The following NAP1L4 variants were observed in gnomAD, a reference collection of about 807,000 sequenced individuals.
The protein encoded by NAP1L4 is nucleosome assembly protein 1 like 4.
NAP1L4 carries 15 observed loss-of-function variants against 58.2 expected under a neutral mutation model. The observed-to-expected ratio is 0.26, with a 90% CI of 0.17 to 0.40. The LOEUF (loss-of-function observed/expected upper bound fraction) is 0.40. Ranked by LOEUF, NAP1L4 falls within the 10% of genes least tolerant of loss-of-function variation. NAP1L4 has a pLI of 1.00. For synonymous variants in NAP1L4, 171 were observed against 155.6 expected (o/e 1.10, Z -0.74); for missense variants, 384 against 451.1 (o/e 0.85, Z 1.35).
At chr11:2,962,122 G>GCTTCCC (rs1285218759) in intron 8 of NAP1L4, among the ~76,000 whole-genome samples, 1 of 152,148 alleles carries the variant, frequency 6.6e-6, no homozygotes, top group African/African-American at 2.4e-5. Context: ...CGACCTTTGG[G>GCTTCCC]CCTTCTAAAG....
At chr11:2,958,216 TC>T (rs770828151) in intron 10 of NAP1L4, 182 bp downstream of exon 10, 4 of 710,442 alleles carry the variant, frequency 5.6e-6, no homozygotes, top group Non-Finnish European at 1.0e-5. Context: ...CCTAGCTACC[TC>T]TGCCCCCCGC....
At chr11:2,947,688 T>C (rs534861767) in intron 15 of NAP1L4, among the ~76,000 whole-genome samples, 3 of 151,698 alleles carry the variant, frequency 2.0e-5, no homozygotes, top group South Asian at 4.2e-4. Context: ...ATTTTAATGA[T>C]GGTTGAGTCA....
At chr11:2,965,892 C>T (rs539643206) in intron 7 of NAP1L4, among the ~76,000 whole-genome samples, 3 of 152,316 alleles carry the variant, frequency 2.0e-5, no homozygotes, top group East Asian at 3.9e-4. Flanking sequence ...CTTGCGGGCA[C>T]CATGGAAGAG....
At chr11:2,981,163 A>G (rs981731935) in intron 1 of NAP1L4, among the ~76,000 whole-genome samples, 2 of 151,772 alleles carry the variant, frequency 1.3e-5, no homozygotes, top group Non-Finnish European at 2.9e-5. Flanking sequence ...GCTCGAGCAC[A>G]GGAGGCAGAG....
intron 8 of NAP1L4, among the ~76,000 whole-genome samples, chr11:2,960,318 T>C (rs1386616376): frequency 2.0e-5 from 3 of 152,100 alleles, no homozygotes; most frequent in East Asian, 1.9e-4. Context: ...CCCACCCTGC[T>C]GGGGGAAGCC....
chr11:2,954,828 T>G lies in NAP1L4; in HGVS notation c.916-182A>C, dbSNP rs937756048. 15 of 722,242 alleles carry G rather than the reference T, an allele frequency of 2.1e-5. No individual in the cohort carries two copies. The highest frequency in any genetic ancestry group is 3.2e-5 in the Non-Finnish European group (14 of 438,792). 44.7% of individuals were successfully genotyped at this position (722,242 alleles called of 1,614,324 possible). On this transcript the variant is annotated intron_variant, in intron 11 of 15. Coordinates refer to ENST00000380542, the MANE Select transcript of NAP1L4 (RefSeq NM_005969.4). This position sits in a 1 kb window ranked among gnomAD's most constrained non-coding sequence, Gnocchi z 4.8. ...CCCTTTAAAACAACTTTAAGTAGCT[T>G]TAAAGAGCTACTGAAGCAAAATGGC...
chr11:2,969,962 G>A (rs758863638), intron 6 of NAP1L4, 28 bp from the exon 7 acceptor site: 53 of 1,594,092 alleles, frequency 3.3e-5, no homozygotes, highest in Non-Finnish European at 1.7e-6. Context: ...CATAGGTAAC[G>A]AAAATAAAAG....
At chr11:2,986,171 C>T (rs967010474) in intron 1 of NAP1L4, among the ~76,000 whole-genome samples, 1 of 151,926 alleles carries the variant, frequency 6.6e-6, no homozygotes, top group Non-Finnish European at 1.5e-5. Flanking sequence ...GTCGGGAGTT[C>T]GAGGTCAGCC....
At chr11:2,958,847 C>A (rs1846701006) in intron 9 of NAP1L4, 1 of 339,574 alleles carries the variant, frequency 2.9e-6, no homozygotes, top group Admixed American at 4.6e-5. Context: ...CCCGTCAAGT[C>A]TGCATGATGC....
intron 10 of NAP1L4, 27 bp downstream of exon 10, chr11:2,958,372 A>G (rs1846674699): frequency 6.2e-7 from 1 of 1,611,866 alleles, no homozygotes; most frequent in Middle Eastern, 1.7e-4. Flanking sequence ...TAAGAACATA[A>G]TGAATATTAA....
At position 2,958,455 on chromosome 11, in the gene NAP1L4, G is replaced by A. The variant is rs776265065; in HGVS notation, c.836C>T (p.Thr279Ile). 2 of 1,614,070 alleles carry A rather than the reference G, an allele frequency of 1.2e-6. No homozygotes were observed. Among genetic ancestry groups the A allele is most frequent in the Non-Finnish European group, 1.7e-6 (2 of 1,180,020 alleles). ...CTCATTGGGTACTTGTTTCGTAATT[G>A]TTCTAACAGTGCCTCGACCCTTATG... ...QKHKGRGTVR[T>I]ITKQVPNESF... Residue 279 changes from threonine (T) to isoleucine (I), a missense_variant, in exon 10 of 16, where the codon ACA becomes ATA. Around this residue, in one of 3 missense-constraint regions of NAP1L4, gnomAD observed 296 missense variants for 360.8 expected, o/e 0.82. Transcript: ENST00000380542.
chr11:2,983,003 C>A (rs557365115), intron 1 of NAP1L4, among the ~76,000 whole-genome samples: 44 of 152,102 alleles, frequency 2.9e-4, no homozygotes, highest in African/African-American at 1.0e-3. Context: ...CTGGGCAACA[C>A]AGCAAGACTC....
intron 10 of NAP1L4, among the ~76,000 whole-genome samples, chr11:2,956,001 T>A (rs905235538): frequency 1.3e-5 from 2 of 148,450 alleles, no homozygotes; most frequent in Admixed American, 6.7e-5. Flanking sequence ...TCCTCCATCA[T>A]GTGCCATGGG....
At chr11:2,972,496 C>G (rs1847696858) in intron 4 of NAP1L4, among the ~76,000 whole-genome samples, 1 of 152,100 alleles carries the variant, frequency 6.6e-6, no homozygotes, top group African/African-American at 2.4e-5. Flanking sequence ...CATAAAATAT[C>G]CAAAAGAATG....
At chr11:2,979,162 C>T (rs1230442285) in intron 2 of NAP1L4, 45 bp downstream of exon 2, 2 of 1,589,922 alleles carry the variant, frequency 1.3e-6, no homozygotes, top group Non-Finnish European at 1.7e-6. Context: ...TGTTGCTCAC[C>T]AACTGAATTT....
intron 1 of NAP1L4, among the ~76,000 whole-genome samples, chr11:2,986,149 G>A (rs1225996148): frequency 8.5e-5 from 13 of 152,208 alleles, no homozygotes; most frequent in Admixed American, 7.2e-4. Flanking sequence ...CAAGGCGGGC[G>A]GATCACATGA....
At chr11:2,987,475 G>C (rs1848701242) in intron 1 of NAP1L4, among the ~76,000 whole-genome samples, 1 of 151,172 alleles carries the variant, frequency 6.6e-6, no homozygotes, top group Non-Finnish European at 1.5e-5. Context: ...CAATGAATAG[G>C]CTGGGCACGG....
At chr11:2,964,322 C>T (rs1847129722) in intron 8 of NAP1L4, among the ~76,000 whole-genome samples, 1 of 152,200 alleles carries the variant, frequency 6.6e-6, no homozygotes, top group Non-Finnish European at 1.5e-5. Flanking sequence ...AGGCCTGGCA[C>T]AGTGGACAGC....
At chr11:2,973,737 C>T (rs1352360744) in intron 4 of NAP1L4, among the ~76,000 whole-genome samples, 4 of 152,220 alleles carry the variant, frequency 2.6e-5, no homozygotes, top group African/African-American at 9.6e-5. Flanking sequence ...TAGACTCCCA[C>T]TGCCATTTTT....
Sources: gnomAD v4.1 joint callset for allele counts (sites outside exome capture counted in the v4.1 genomes callset) on GRCh38, gnomAD v4.1.1 for gene constraint, gnomAD v4.1.1 regional missense constraint, Gnocchi (gnomAD v3.1) non-coding constraint, MANE v1.5 for transcripts, NCBI Gene and HGNC (gene_info 2026-07-23, HGNC 2026-07-21) for gene names.